Variants in ERBB4 observed in about 807,000 individuals in gnomAD.
ERBB4 encodes the protein erb-b2 receptor tyrosine kinase 4, also known as receptor tyrosine-protein kinase erbB-4.
Under a neutral mutation model 158.0 loss-of-function variants are expected in ERBB4, and 42 were observed. The ratio of observed to expected loss-of-function variants is 0.27; its 90% confidence interval spans 0.21 to 0.34. The LOEUF (loss-of-function observed/expected upper bound fraction) is 0.34. Ranked by LOEUF, ERBB4 falls within the 10% of genes least tolerant of loss-of-function variation. The pLI, the probability that ERBB4 is intolerant of heterozygous loss-of-function variation, is 1.00. For synonymous variants in ERBB4, 583 were observed against 558.7 expected, an observed-to-expected ratio of 1.04 and a Z score of -0.61; for missense variants, 1,333 against 1,624.1, an observed-to-expected ratio of 0.82 and a Z score of 3.08.
At chr2:211,725,561 G>A (rs544484272) in intron 5 of ERBB4, among the ~76,000 whole-genome samples, 4 of 152,172 alleles carry the variant, frequency 2.6e-5, no homozygotes, top group African/African-American at 4.8e-5. Flanking sequence ...AGTGGGCTAC[G>A]ACTGCACTTG....
intron 4 of ERBB4, among the ~76,000 whole-genome samples, chr2:211,784,711 TC>T (rs1191884482): frequency 2.0e-5 from 3 of 152,186 alleles, no homozygotes; most frequent in Non-Finnish European, 2.9e-5. Context: ...CATTTTACAA[TC>T]CCACCAAGAA....
rs545051776 is a variant in ERBB4 at position 212,299,734 on chromosome 2, T to G, written c.83-174831A>C. Among the ~76,000 whole-genome samples the G allele has an allele frequency of 1.2e-3, 176 of 151,714 alleles. 2 individuals carry two copies. The highest frequency in any genetic ancestry group is 4.0e-3 in the African/African-American group (166 of 41,512). On this transcript the variant is annotated intron_variant, in intron 1 of 27. Transcript: ENST00000342788. Reference sequence around the variant, plus strand: ...CCTGGAAACAGATTTCAAGCACTAATGAGCAGCGATAGCCAACCAAACAGC... The same window carrying G: ...CCTGGAAACAGATTTCAAGCACTAAGGAGCAGCGATAGCCAACCAAACAGC...
At chr2:211,609,701 G>C (rs1055675598) in intron 19 of ERBB4, among the ~76,000 whole-genome samples, 1 of 152,128 alleles carries the variant, frequency 6.6e-6, no homozygotes, top group Non-Finnish European at 1.5e-5. Flanking sequence ...AGGACACCAT[G>C]CCTGGTAGAG....
chr2:211,437,453 T>C (rs2063879568), intron 20 of ERBB4, among the ~76,000 whole-genome samples: 1 of 152,336 alleles, frequency 6.6e-6, no homozygotes, highest in Non-Finnish European at 1.5e-5. Context: ...AATAATGGTA[T>C]TGACGAAAAC....
At chr2:212,025,395 T>C (rs889464997) in intron 2 of ERBB4, among the ~76,000 whole-genome samples, 1 of 151,822 alleles carries the variant, frequency 6.6e-6, no homozygotes, top group Non-Finnish European at 1.5e-5. Context: ...ATAGTTGTAC[T>C]TTGTATGTAT....
intron 20 of ERBB4, among the ~76,000 whole-genome samples, chr2:211,541,749 T>G (rs917377155): frequency 6.6e-6 from 1 of 152,070 alleles, no homozygotes; most frequent in African/African-American, 2.4e-5. Context: ...TAACATTTCA[T>G]CAGTGCTATC....
chr2:211,571,408 C>T (rs1311037586), intron 19 of ERBB4, among the ~76,000 whole-genome samples: 1 of 152,122 alleles, frequency 6.6e-6, no homozygotes, highest in African/African-American at 2.4e-5. Context: ...GCAATGTAAA[C>T]AGCAGGGCAT....
At chr2:212,309,512 G>C (rs1404602222) in intron 1 of ERBB4, among the ~76,000 whole-genome samples, 1 of 150,858 alleles carries the variant, frequency 6.6e-6, no homozygotes, top group Non-Finnish European at 1.5e-5. Context: ...ACTAGAATGA[G>C]ATGTTTATAA....
At chr2:212,502,778 C>A (rs1690964118) in intron 1 of ERBB4, among the ~76,000 whole-genome samples, 1 of 152,106 alleles carries the variant, frequency 6.6e-6, no homozygotes, top group Non-Finnish European at 1.5e-5. Flanking sequence ...CTTTCTTTTT[C>A]ATTGTTTTTT....
Position 212,198,694 on chromosome 2 carries a change from C to A in ERBB4, c.83-73791G>T, listed in dbSNP as rs2082501581. ...GGTTCAAGCGATTCTCCTGGCTCAGCCCCAGTAGCTAGGGATTACAGGTGT... is the reference window on the plus strand; with the variant it reads ...GGTTCAAGCGATTCTCCTGGCTCAGACCCAGTAGCTAGGGATTACAGGTGT... On this transcript the variant is annotated intron_variant, in intron 1 of 27. Coordinates refer to ENST00000342788, the MANE Select transcript of ERBB4 (RefSeq NM_005235.3). 2.0e-5 allele frequency among the ~76,000 whole-genome samples: 3 copies of A among 151,760 alleles called. No individual in the cohort carries two copies. The South Asian group carries it at 6.2e-4, about 32-fold the overall frequency.
At chr2:211,485,908 T>G (rs557530299) in intron 20 of ERBB4, among the ~76,000 whole-genome samples, 1 of 152,000 alleles carries the variant, frequency 6.6e-6, no homozygotes, top group Non-Finnish European at 1.5e-5. Context: ...CGTCAGGGGC[T>G]TGTGGATTGA....
chr2:212,134,850 A>AT (rs1394241793), intron 1 of ERBB4, among the ~76,000 whole-genome samples: 4 of 151,320 alleles, frequency 2.6e-5, no homozygotes, highest in Admixed American at 6.6e-5. Flanking sequence ...TGCCTGGCTA[A>AT]TTTTTTTTGT....
chr2:211,665,262 G>C, intron 15 of ERBB4, 61 bp downstream of exon 15: 1 of 1,514,928 alleles, frequency 6.6e-7, no homozygotes. Flanking sequence ...ATGGTACCAG[G>C]GATAAAGATA....
At chr2:212,435,290 A>G (rs2092113724) in intron 1 of ERBB4, among the ~76,000 whole-genome samples, 1 of 151,930 alleles carries the variant, frequency 6.6e-6, no homozygotes, top group Admixed American at 6.6e-5. Flanking sequence ...ATTTCCAAGT[A>G]TTTCTTTTCT....
intron 1 of ERBB4, among the ~76,000 whole-genome samples, chr2:212,529,620 T>C (rs549449780): frequency 5.3e-5 from 8 of 152,308 alleles, no homozygotes; most frequent in African/African-American, 1.9e-4. Context: ...TTCCTGCAAA[T>C]GTATGCTATT....
chr2:212,144,018 CA>C (rs58331172), intron 1 of ERBB4, among the ~76,000 whole-genome samples: 6,964 of 114,136 alleles, frequency 0.061, 410 homozygotes, highest in African/African-American at 0.17. Flanking sequence ...GACTTCATCT[CA>C]AAAAAAAAAA....
chr2:212,029,439 G>A (rs1249378167), intron 2 of ERBB4, among the ~76,000 whole-genome samples: 1 of 152,046 alleles, frequency 6.6e-6, no homozygotes, highest in Non-Finnish European at 1.5e-5. Context: ...CAGAAGCTTT[G>A]AGTAACACCC....
intron 1 of ERBB4, among the ~76,000 whole-genome samples, chr2:212,179,214 G>C (rs1370956212): frequency 2.0e-5 from 3 of 151,548 alleles, no homozygotes; most frequent in African/African-American, 7.3e-5. Flanking sequence ...TGACATTGTT[G>C]AGTAAAGTTC....
At chr2:211,712,812 A>G (rs1180079398) in intron 8 of ERBB4, among the ~76,000 whole-genome samples, 9 of 152,090 alleles carry the variant, frequency 5.9e-5, no homozygotes. Context: ...GAGAGGGGAT[A>G]AGGAAGAAAC....
Sources: gnomAD v4.1 joint callset for allele counts (sites outside exome capture counted in the v4.1 genomes callset) on GRCh38, gnomAD v4.1.1 for gene constraint, MANE v1.5 for transcripts, NCBI Gene and HGNC (gene_info 2026-07-23, HGNC 2026-07-21) for gene names.